Variants in ANHX observed in about 807,000 individuals in gnomAD.
ANHX encodes the protein anomalous homeobox protein.
In ANHX, 20 loss-of-function variants were observed where a neutral mutation model predicts 38.9. The observed-to-expected ratio is 0.51, with a 90% CI of 0.36 to 0.75. The LOEUF is 0.75. Ranked by LOEUF, ANHX falls within the 30% of genes least tolerant of loss-of-function variation. The pLI is 0.00. For missense variants in ANHX, 475 were observed against 493.1 expected (o/e 0.96, Z 0.35); for synonymous variants, 185 against 203.1 (o/e 0.91, Z 0.76).
intron 5 of ANHX, 114 bp from the exon 6 acceptor site, chr12:133,226,552 C>CCAAT: frequency 2.2e-6 from 3 of 1,391,626 alleles, no homozygotes; most frequent in Non-Finnish European, 2.8e-6. Context: ...TGGGGCCATC[C>CCAAT]CAATGTTTTT....
At chr12:133,233,542 C>G (rs1473011078) in intron 2 of ANHX, among the ~76,000 whole-genome samples, 1 of 152,148 alleles carries the variant, frequency 6.6e-6, no homozygotes, top group Non-Finnish European at 1.5e-5. Flanking sequence ...CTCAGCACGA[C>G]CTGGGGCAGC....
intron 7 of ANHX, among the ~76,000 whole-genome samples, chr12:133,224,740 CG>C (rs1427441885): frequency 6.8e-6 from 1 of 147,070 alleles, no homozygotes; most frequent in African/African-American, 2.5e-5. Context: ...CCGAGGCGGG[CG>C]GATCATGAGG....
intron 3 of ANHX, among the ~76,000 whole-genome samples, chr12:133,230,428 C>T (rs1211853125): frequency 1.3e-5 from 2 of 152,216 alleles, no homozygotes; most frequent in Non-Finnish European, 2.9e-5. Flanking sequence ...TGTCTTCTTC[C>T]TTCAGCGACC....
At chr12:133,230,374 A>G (rs1371698457) in intron 3 of ANHX, among the ~76,000 whole-genome samples, 1 of 152,178 alleles carries the variant, frequency 6.6e-6, no homozygotes, top group Non-Finnish European at 1.5e-5. Context: ...ACTCTATTTG[A>G]TGGGTACCAC....
rs1157320801 is a variant in ANHX, at chr12:133,227,000, G to T, written c.654C>A (p.Asp218Glu). Residue 218 changes from aspartate (D) to glutamate (E), a missense_variant, in exon 5 of 10, where the codon GAC (aspartate) becomes GAA (glutamate). Coordinates refer to ENST00000545940, the MANE Select transcript of ANHX (RefSeq NM_001372060.1). ...GGGGGTTGCCTGAGGGCTGCAGGAGGTCAGGACCCCTCTCCCTCGCACCAG... is the reference window on the plus strand; with the variant it reads ...GGGGGTTGCCTGAGGGCTGCAGGAGTTCAGGACCCCTCTCCCTCGCACCAG... ...EDPGARERGP[D>E]LLQPSGNPRV... 1 of 1,535,500 alleles carries T rather than the reference G, an allele frequency of 6.5e-7. No individual in the cohort carries two copies. Among genetic ancestry groups the T allele is most frequent in the East Asian group, 2.4e-5 (1 of 40,900 alleles).
At chr12:133,235,721 CGCCCCCGCGCCCCTCACATTCCAG>C (rs1957368977) in intron 1 of ANHX, 62 bp downstream of exon 1, 1 of 125,192 alleles carries the variant, frequency 8.0e-6, no homozygotes, top group Non-Finnish European at 1.8e-5. Context: ...CTGGGACCCC[CGCCCCCGCGCCCCTCACATTCCAG>C]GCCCCCCCTG....
At chr12:133,235,374 C>T (rs1957354840) in intron 1 of ANHX, 1 of 152,204 alleles carries the variant, frequency 6.6e-6, no homozygotes, top group African/African-American at 2.4e-5. Flanking sequence ...CCTGTCCGCC[C>T]GGTGCCCTGA....
rs1241070557 is a variant in ANHX at position 133,227,032 on chromosome 12, C to T, written c.622G>A (p.Glu208Lys). Residue 208 changes from glutamate to lysine, a missense_variant, in exon 5 of 10, where the codon GAA becomes AAA. Glu to Lys is a moderately conservative substitution (Grantham distance 56). Transcript: ENST00000545940. Reference protein sequence around the residue: ...HMKPAQQATAEDPGARERGPD... With the variant: ...HMKPAQQATAKDPGARERGPD... ...CCCCTCTCCCTCGCACCAGGGTCTT[C>T]AGCTGTGGCCTGCTGGGCTGGCTTC... 6.5e-7 allele frequency: 1 copy of T among 1,536,042 alleles called. No homozygotes were observed. Among genetic ancestry groups the T allele is most frequent in the Non-Finnish European group, 8.7e-7 (1 of 1,146,850 alleles).
rs1457784707 is a variant in ANHX at position 133,219,269 on chromosome 12, T to C, written c.1365+14A>G. ...TAAAGAGGGAATCCTTCAGTGCTCA[T>C]AGGGAAGCCTCACCTGGCTGGAGGG... On this transcript the variant is annotated intron_variant, in intron 9 of 9. Transcript: ENST00000545940. The C allele has an allele frequency of 3.3e-6, 5 of 1,531,712 alleles. No homozygotes were observed. The highest frequency in any genetic ancestry group is 1.4e-5 in the African/African-American group (1 of 72,946). The allele number at this position is 1,531,712 out of a possible 1,614,324, so 94.9% of individuals were successfully genotyped here.
Position 133,221,673 on chromosome 12 carries a change from T to C in ANHX, c.1133-321A>G, listed in dbSNP as rs1325010365. 6.6e-6 allele frequency among the ~76,000 whole-genome samples: 1 copy of C among 152,136 alleles called. No individual in the cohort carries two copies. Among genetic ancestry groups the C allele is most frequent in the East Asian group, 1.9e-4 (1 of 5,166 alleles). On this transcript the variant is annotated intron_variant, in intron 7 of 9. Transcript: ENST00000545940. The surrounding 1 kb of genome is among the most constrained non-coding windows in gnomAD (Gnocchi z 4.1). ...TCTGCAGCTTGCTCCGTCCTGCTGG[T>C]GCGGAAGGATGTGCCAGGAGCCCTC... is the stretch of plus-strand genomic sequence containing the variant.
At chr12:133,220,857 C>T (rs1957100017) in intron 8 of ANHX, among the ~76,000 whole-genome samples, 1 of 152,204 alleles carries the variant, frequency 6.6e-6, no homozygotes, top group Non-Finnish European at 1.5e-5. Context: ...TTGAAAACTA[C>T]AATTCAGAAT....
intron 1 of ANHX, 118 bp downstream of exon 1, chr12:133,235,689 C>G (rs1372768369): frequency 1.4e-5 from 2 of 138,882 alleles, no homozygotes; most frequent in Non-Finnish European, 3.2e-5. Context: ...AGGACCCCCC[C>G]CGCCTGCGCG....
chr12:133,222,385 G>A (rs765022198), intron 7 of ANHX, among the ~76,000 whole-genome samples: 8 of 152,262 alleles, frequency 5.3e-5, no homozygotes, highest in South Asian at 2.1e-4. Flanking sequence ...CAAGGAGCTC[G>A]GGAGGGAGAG....
intron 1 of ANHX, 73 bp downstream of exon 1, chr12:133,235,734 C>T (rs1957369391): frequency 8.2e-6 from 1 of 121,972 alleles, no homozygotes; most frequent in Admixed American, 7.5e-5. Context: ...CCCCGCGCCC[C>T]TCACATTCCA....
intron 7 of ANHX, among the ~76,000 whole-genome samples, chr12:133,224,123 A>G (rs998255922): frequency 6.6e-6 from 1 of 152,156 alleles, no homozygotes; most frequent in African/African-American, 2.4e-5. Context: ...AAACCCAGGG[A>G]AGCAGCATGG....
chr12:133,222,763 C>G lies in ANHX; in HGVS notation c.1133-1411G>C, dbSNP rs573576928. ...CAGTCCCAACAGTCCTGACTTCAGA[C>G]AGTGAAGCACATTTAAAAAAATTAT... On this transcript the variant is annotated intron_variant, in intron 7 of 9. Coordinates refer to ENST00000545940, the MANE Select transcript of ANHX (RefSeq NM_001372060.1). Among the ~76,000 whole-genome samples the G allele has an allele frequency of 1.6e-3, 237 of 152,230 alleles. 1 individual carries two copies. Among genetic ancestry groups the G allele is most frequent in the African/African-American group, 5.6e-3 (231 of 41,516 alleles).
At chr12:133,225,450 T>TA (rs1044245814) in intron 7 of ANHX, among the ~76,000 whole-genome samples, 86 bp downstream of exon 7, 1 of 152,222 alleles carries the variant, frequency 6.6e-6, no homozygotes, top group Non-Finnish European at 1.5e-5. Context: ...CGTGTGGCCC[T>TA]ACCCACACTT....
intron 7 of ANHX, among the ~76,000 whole-genome samples, chr12:133,222,563 A>G (rs1242865059): frequency 6.6e-6 from 1 of 151,424 alleles, no homozygotes; most frequent in African/African-American, 2.5e-5. Context: ...GACCGTCCCC[A>G]CGCCAGCCTC....
intron 1 of ANHX, chr12:133,234,670 G>C: frequency 2.8e-6 from 1 of 356,484 alleles, no homozygotes; most frequent in Non-Finnish European, 5.2e-6. Flanking sequence ...GGCTCAGTAG[G>C]GTAGGGACCT....
Sources: gnomAD v4.1 joint callset for allele counts (sites outside exome capture counted in the v4.1 genomes callset) on GRCh38, gnomAD v4.1.1 for gene constraint, Gnocchi (gnomAD v3.1) non-coding constraint, MANE v1.5 for transcripts, NCBI Gene and HGNC (gene_info 2026-07-23, HGNC 2026-07-21) for gene names.